The following KAT2B variants were observed in gnomAD, a reference collection of about 807,000 sequenced individuals.
KAT2B encodes the protein lysine acetyltransferase 2B, also known as histone acetyltransferase KAT2B.
A neutral mutation model predicts 105.9 loss-of-function variants in KAT2B; 36 were observed. That is an observed-to-expected ratio of 0.34 (90% confidence interval 0.26 to 0.45). The LOEUF is 0.45. KAT2B is among the 20% of genes least tolerant of loss of function. The pLI is 1.00. For missense variants in KAT2B, 820 were observed against 1,021.6 expected, an observed-to-expected ratio of 0.80 and a Z score of 2.69; for synonymous variants, 397 against 377.9, an observed-to-expected ratio of 1.05 and a Z score of -0.59.
chr3:20,152,534 C>A lies in KAT2B; in HGVS notation c.*9C>A, dbSNP rs1347741554. ...GATTAATTGACAAGTGATTTTTTTT[C>A]CCCTCTGCTTCTTAGAAACTCACCA... On this transcript the variant is annotated 3_prime_UTR_variant, in exon 18 of 18. Coordinates refer to ENST00000263754, the MANE Select transcript of KAT2B (RefSeq NM_003884.5). 1 of 1,606,404 alleles carries A rather than the reference C, an allele frequency of 6.2e-7. No individual in the cohort carries two copies. Among genetic ancestry groups the A allele is most frequent in the Admixed American group, 1.7e-5 (1 of 59,846 alleles).
chr3:20,118,261 G>GTAAATATATTATTTATATATAAA (rs1169310864), intron 7 of KAT2B, among the ~76,000 whole-genome samples: 12 of 141,760 alleles, frequency 8.5e-5, no homozygotes, highest in Admixed American at 2.9e-4. Flanking sequence ...ACAAAAATAT[G>GTAAATATATTATTTATATATAAA]TAAATATATT....
intron 2 of KAT2B, among the ~76,000 whole-genome samples, chr3:20,078,196 A>G (rs999634047): frequency 1.3e-5 from 2 of 152,108 alleles, no homozygotes; most frequent in Non-Finnish European, 2.9e-5. Context: ...AAATAAATAA[A>G]TAAATAAATA....
At chr3:20,135,271 T>C (rs1008164751) in intron 11 of KAT2B, among the ~76,000 whole-genome samples, 6 of 152,202 alleles carry the variant, frequency 3.9e-5, no homozygotes, top group Non-Finnish European at 8.8e-5. Flanking sequence ...TACTGTTCTG[T>C]TTACTAGACA....
intron 11 of KAT2B, among the ~76,000 whole-genome samples, chr3:20,133,093 C>CA (rs1282965865): frequency 2.0e-5 from 3 of 152,232 alleles, no homozygotes; most frequent in African/African-American, 7.2e-5. Flanking sequence ...TCAGATAAAA[C>CA]AAAAATCCCA....
intron 5 of KAT2B, among the ~76,000 whole-genome samples, chr3:20,110,896 C>T (rs932793489): frequency 4.6e-5 from 7 of 151,892 alleles, no homozygotes; most frequent in African/African-American, 1.7e-4. Flanking sequence ...GCATTTTTGA[C>T]TTTGAGTCTG....
intron 4 of KAT2B, chr3:20,100,943 T>C (rs1698899093): frequency 7.7e-6 from 2 of 259,356 alleles, no homozygotes; most frequent in Admixed American, 5.0e-5. Context: ...ACTCTGCTGA[T>C]AGTAAAGCAA....
intron 14 of KAT2B, chr3:20,146,645 T>TA (rs1415010285): frequency 2.7e-6 from 1 of 376,534 alleles, no homozygotes; most frequent in African/African-American, 2.4e-5. Context: ...TGCCCCCTTG[T>TA]AATAGCTGTT....
chr3:20,126,138 T>C lies in KAT2B; in HGVS notation c.1622+25T>C, dbSNP rs1346318059. 6 of 1,536,600 alleles carry C rather than the reference T, an allele frequency of 3.9e-6. No individual in the cohort carries two copies. In the Middle Eastern group the frequency reaches 5.0e-4, roughly 129 times the overall value. ...CGTAAGTGGTACTTTCTGTTCCTTC[T>C]TCCTTATTTCCTTTTTAAATGAAAG... On this transcript the variant is annotated intron_variant, in intron 10 of 17. Coordinates refer to ENST00000263754, the MANE Select transcript of KAT2B (RefSeq NM_003884.5).
Position 20,122,784 on chromosome 3 carries a change from G to A in KAT2B, c.1393G>A (p.Ala465Thr), listed in dbSNP as rs1559323336. 2.5e-6 allele frequency: 4 copies of A among 1,613,382 alleles called. No individual in the cohort carries two copies. The highest frequency in any genetic ancestry group is 2.5e-6 in the Non-Finnish European group (3 of 1,179,642). Residue 465 changes from alanine (A) to threonine (T), a missense_variant, in exon 9 of 18, where the codon GCA (alanine) becomes ACA (threonine). By Grantham distance (58) the Ala-to-Thr change is moderately conservative. This residue lies in a region of KAT2B where 225 missense variants were observed against 268.1 expected (regional missense o/e 0.84). Transcript: ENST00000263754. ...NEVMSTITDP[A>T]AMLGPETNFL... ...GGTTATGTCTACCATCACGGACCCT[G>A]CAGCAATGCTTGGACCAGAGGTCAG...
At chr3:20,118,726 CAAAAAA>C (rs202106321) in intron 7 of KAT2B, among the ~76,000 whole-genome samples, 1 of 90,150 alleles carries the variant, frequency 1.1e-5, no homozygotes, top group African/African-American at 4.3e-5. Flanking sequence ...AACTTTGTCT[CAAAAAA>C]AAAAAAAAAA....
At chr3:20,144,996 C>T (rs9849663) in intron 13 of KAT2B, among the ~76,000 whole-genome samples, 2,866 of 151,674 alleles carry the variant, frequency 0.019, 103 homozygotes, top group African/African-American at 0.065. Context: ...GGGGTTTCAC[C>T]GTGTTGGCCA....
intron 2 of KAT2B, among the ~76,000 whole-genome samples, chr3:20,087,346 A>G (rs115495205): frequency 0.043 from 6,563 of 152,266 alleles, 193 homozygotes; most frequent in South Asian, 0.076. Flanking sequence ...AATTAAAATG[A>G]GAAAATAATT....
intron 2 of KAT2B, among the ~76,000 whole-genome samples, chr3:20,085,195 A>AT (rs369529400): frequency 6.6e-6 from 1 of 152,206 alleles, no homozygotes; most frequent in African/African-American, 2.4e-5. Flanking sequence ...ATGTCTATTA[A>AT]TTTAAAAAAA....
chr3:20,109,283 C>CAGATAGATAGATAGAT (rs111929078), intron 5 of KAT2B, among the ~76,000 whole-genome samples: 10 of 149,350 alleles, frequency 6.7e-5, no homozygotes, highest in Admixed American at 1.3e-4. Flanking sequence ...CCCTCAGCCC[C>CAGATAGATAGATAGAT]AGATAGATAG....
chr3:20,072,305 T>C (rs1698338441), intron 1 of KAT2B, 28 bp from the exon 2 acceptor site: 1 of 1,610,474 alleles, frequency 6.2e-7, no homozygotes, highest in African/African-American at 1.3e-5. Context: ...GTTAAATAAT[T>C]TTGTCTCTTT....
At chr3:20,099,385 T>C (rs1698868560) in intron 3 of KAT2B, among the ~76,000 whole-genome samples, 1 of 152,218 alleles carries the variant, frequency 6.6e-6, no homozygotes, top group African/African-American at 2.4e-5. Context: ...CTGGCCTCTT[T>C]TGTGCAGAAT....
At chr3:20,143,680 C>T (rs976835374) in intron 13 of KAT2B, among the ~76,000 whole-genome samples, 85 of 152,162 alleles carry the variant, frequency 5.6e-4, no homozygotes, top group African/African-American at 2.0e-3. Context: ...AGTACATATA[C>T]ACCATGGAAT....
intron 11 of KAT2B, among the ~76,000 whole-genome samples, chr3:20,135,260 A>G (rs561625344): frequency 9.8e-5 from 15 of 152,330 alleles, no homozygotes; most frequent in Non-Finnish European, 1.9e-4. Context: ...GGAGATGATG[A>G]TACTGTTCTG....
intron 2 of KAT2B, among the ~76,000 whole-genome samples, chr3:20,086,925 G>A (rs972128388): frequency 6.6e-6 from 1 of 152,028 alleles, no homozygotes; most frequent in African/African-American, 2.4e-5. Context: ...AGGATTACAG[G>A]CATGTGCCCC....
Sources: allele counts gnomAD v4.1 joint callset (sites outside exome capture counted in the v4.1 genomes callset), GRCh38; gene constraint gnomAD v4.1.1; regional missense constraint gnomAD v4.1.1; transcripts MANE v1.5; gene names NCBI Gene and HGNC (gene_info 2026-07-23, HGNC 2026-07-21).